Variants in SLC9C2 observed in about 807,000 individuals in gnomAD.
The protein encoded by SLC9C2 is solute carrier family 9 member C2 (putative), also known as sodium/hydrogen exchanger 11.
SLC9C2 carries 75 observed loss-of-function variants against 140.2 expected under a neutral mutation model. That is an observed-to-expected ratio of 0.53 (90% CI 0.44 to 0.65). The LOEUF is 0.65. Ranked by LOEUF, SLC9C2 falls within the 30% of genes least tolerant of loss-of-function variation. The probability of loss-of-function intolerance (pLI) is 0.00; values close to 1 mark genes in which losing one functional copy is unlikely to be tolerated. For missense variants in SLC9C2, 1,074 were observed against 1,331.8 expected, an observed-to-expected ratio of 0.81 and a Z score of 3.01; for synonymous variants, 375 against 420.9, an observed-to-expected ratio of 0.89 and a Z score of 1.34.
intron 5 of SLC9C2, among the ~76,000 whole-genome samples, chr1:173,585,897 G>C (rs912739833): frequency 6.6e-6 from 1 of 152,038 alleles, no homozygotes; most frequent in African/African-American, 2.4e-5. Flanking sequence ...AAACCCAGGG[G>C]GTGGAGGTTG....
intron 13 of SLC9C2, among the ~76,000 whole-genome samples, chr1:173,543,744 A>G (rs1003573241): frequency 6.6e-6 from 1 of 152,258 alleles, no homozygotes. Flanking sequence ...GACAAAAACA[A>G]GCAATGGGGA....
At chr1:173,587,870 T>C (rs1249639804) in intron 4 of SLC9C2, 40 bp from the exon 5 acceptor site, 1 of 1,482,890 alleles carries the variant, frequency 6.7e-7, no homozygotes, top group African/African-American at 1.4e-5. Context: ...ACTTAACATC[T>C]AAAGATGGCA....
chr1:173,554,969 G>C (rs1286364250), intron 10 of SLC9C2, among the ~76,000 whole-genome samples, 155 bp from the exon 11 acceptor site: 1 of 152,216 alleles, frequency 6.6e-6, no homozygotes, highest in Non-Finnish European at 1.5e-5. Flanking sequence ...CAAAAAGGCA[G>C]TTTTGTGGAC....
intron 11 of SLC9C2, among the ~76,000 whole-genome samples, chr1:173,554,189 G>A (rs1232166666): frequency 6.6e-6 from 1 of 152,106 alleles, no homozygotes; most frequent in African/African-American, 2.4e-5. Context: ...CATATCGCCA[G>A]CCCGGAAAGA....
chr1:173,600,924 G>T (rs549629335), intron 2 of SLC9C2, among the ~76,000 whole-genome samples: 1 of 152,316 alleles, frequency 6.6e-6, no homozygotes, highest in Non-Finnish European at 1.5e-5. Context: ...GTTCCAGAAA[G>T]GATTTTAAAG....
chr1:173,565,434 A>C (rs1168335962), intron 9 of SLC9C2, among the ~76,000 whole-genome samples: 3 of 152,178 alleles, frequency 2.0e-5, no homozygotes, highest in Non-Finnish European at 4.4e-5. Flanking sequence ...ATGGATATCC[A>C]GTTTTCCCAG....
intron 3 of SLC9C2, 105 bp downstream of exon 3, chr1:173,600,012 T>C (rs772960884): frequency 2.1e-4 from 143 of 667,536 alleles, no homozygotes; most frequent in Non-Finnish European, 3.3e-4. Context: ...TTTGAGTAGC[T>C]GTTCCCATAA....
chr1:173,589,201 T>C (rs893717117), intron 4 of SLC9C2, among the ~76,000 whole-genome samples: 1 of 152,218 alleles, frequency 6.6e-6, no homozygotes, highest in Admixed American at 6.5e-5. Context: ...CTCATTTTTT[T>C]TGGAACATTT....
chr1:173,505,509 A>T (rs376609832), intron 25 of SLC9C2, among the ~76,000 whole-genome samples, 178 bp from the exon 26 acceptor site: 9 of 152,180 alleles, frequency 5.9e-5, no homozygotes, highest in Non-Finnish European at 1.2e-4. Context: ...TAGACCAACA[A>T]ATTGTCCTTG....
chr1:173,548,616 A>T, intron 11 of SLC9C2, 64 bp from the exon 12 acceptor site: 1 of 1,569,398 alleles, frequency 6.4e-7, no homozygotes, highest in African/African-American at 1.4e-5. Context: ...GGAAAGCAAA[A>T]AATGTTGCAT....
At chr1:173,515,796 G>A (rs1660376468) in intron 23 of SLC9C2, among the ~76,000 whole-genome samples, 2 of 152,192 alleles carry the variant, frequency 1.3e-5, no homozygotes, top group Admixed American at 1.3e-4. Context: ...ATCTTCATGA[G>A]TTTGTCTAAT....
intron 23 of SLC9C2, among the ~76,000 whole-genome samples, chr1:173,511,672 A>G (rs1373577276): frequency 6.6e-6 from 1 of 152,028 alleles, no homozygotes; most frequent in Non-Finnish European, 1.5e-5. Context: ...CTCATTTGTC[A>G]ATTTAGGCTT....
At chr1:173,520,893 T>G (rs1021673494) in intron 22 of SLC9C2, among the ~76,000 whole-genome samples, 2 of 152,212 alleles carry the variant, frequency 1.3e-5, no homozygotes, top group African/African-American at 4.8e-5. Flanking sequence ...TCCCCATCAC[T>G]CTACTGAAAT....
At chr1:173,592,521 C>T (rs1325928400) in intron 4 of SLC9C2, among the ~76,000 whole-genome samples, 1 of 152,130 alleles carries the variant, frequency 6.6e-6, no homozygotes, top group Non-Finnish European at 1.5e-5. Flanking sequence ...TTTGTGTCTT[C>T]TCTGATTACT....
Position 173,567,920 on chromosome 1 carries a change from G to A in SLC9C2, c.1046+5262C>T, listed in dbSNP as rs780607592. 6.8e-4 allele frequency among the ~76,000 whole-genome samples: 104 copies of A among 151,916 alleles called. 2 individuals are homozygous for A. Among genetic ancestry groups the A allele is most frequent in the Admixed American group, 2.0e-3 (31 of 15,248 alleles). Reference sequence around the variant, plus strand: ...GACACTTAACACTAATTGCATAAACGAAGAAATAAGCAAAAAGAAGACTGA... The same window carrying A: ...GACACTTAACACTAATTGCATAAACAAAGAAATAAGCAAAAAGAAGACTGA... On this transcript the variant is annotated intron_variant, in intron 9 of 27. Coordinates refer to ENST00000367714, the MANE Select transcript of SLC9C2 (RefSeq NM_178527.4).
intron 24 of SLC9C2, 78 bp downstream of exon 24, chr1:173,509,490 C>A: frequency 7.6e-7 from 1 of 1,314,262 alleles, no homozygotes; most frequent in South Asian, 1.5e-5. Flanking sequence ...ATTTTTGTCT[C>A]AAAAATATGA....
At position 173,591,281 on chromosome 1, in the gene SLC9C2, T is replaced by C. The variant is rs188667843; in HGVS notation, c.358-3451A>G. On this transcript the variant is annotated intron_variant, in intron 4 of 27. Transcript: ENST00000367714. ...TTTTCTTTATACAATCTGGCATTGA[T>C]GGGCGTTAAGTTGATTCCATATCTT... Among the ~76,000 whole-genome samples the C allele has an allele frequency of 2.6e-5, 4 of 152,324 alleles. No homozygotes were observed. In the East Asian group the frequency reaches 7.7e-4, roughly 29 times the overall value.
intron 8 of SLC9C2, among the ~76,000 whole-genome samples, chr1:173,575,666 T>G (rs1665130487): frequency 6.6e-6 from 1 of 152,070 alleles, no homozygotes; most frequent in Non-Finnish European, 1.5e-5. Context: ...AAGCTCCGCC[T>G]CCCGGGTTCA....
chr1:173,568,816 C>G (rs1437130575), intron 9 of SLC9C2, among the ~76,000 whole-genome samples: 1 of 152,094 alleles, frequency 6.6e-6, no homozygotes, highest in East Asian at 1.9e-4. Flanking sequence ...TTTAGTCTTT[C>G]TATTCAAAAT....
Sources: gnomAD v4.1 joint callset for allele counts (sites outside exome capture counted in the v4.1 genomes callset) on GRCh38, gnomAD v4.1.1 for gene constraint, MANE v1.5 for transcripts, NCBI Gene and HGNC (gene_info 2026-07-23, HGNC 2026-07-21) for gene names.